Variants in NAV3 observed in about 807,000 individuals in gnomAD.
The protein encoded by NAV3 is pore membrane and/or filament interacting like protein 1.
In NAV3, 87 loss-of-function variants were observed where a neutral mutation model predicts 244.7. The ratio of observed to expected loss-of-function variants is 0.36; its 90% CI spans 0.30 to 0.42. The LOEUF is 0.42. Among genes scored for constraint, NAV3 ranks in the 20% least tolerant of loss-of-function variants. The pLI is 1.00. For synonymous variants in NAV3, 1,126 were observed against 1,042.2 expected, an observed-to-expected ratio of 1.08 and a Z score of -1.55; for missense variants, 2,663 against 2,893.3, an observed-to-expected ratio of 0.92 and a Z score of 1.83.
In NAV3 at chr12:78,197,325, A is replaced by G. The variant is rs774072066; in HGVS notation, c.6370A>G (p.Ile2124Val). Residue 2124 changes from isoleucine to valine, a missense_variant, in exon 35 of 40, where the codon ATT becomes GTT. Transcript: ENST00000397909. ...TGGAGTGGAGCTCCCAGTTGTAATA[A>G]TTCTTGATAATCTTCATCATGTGGG... ...NNGVELPVVI[I>V]LDNLHHVGSL... The G allele has an allele frequency of 3.1e-6, 5 of 1,609,384 alleles. No individual in the cohort carries two copies. Among genetic ancestry groups the G allele is most frequent in the Admixed American group, 3.4e-5 (2 of 59,684 alleles).
intron 3 of NAV3, among the ~76,000 whole-genome samples, chr12:77,956,725 C>CTTATTTATTTATTTATTTAT (rs111942943): frequency 3.0e-4 from 45 of 149,620 alleles, no homozygotes; most frequent in Middle Eastern, 3.4e-3. Flanking sequence ...TAAAATCCAA[C>CTTATTTATTTATTTATTTAT]TTATTTATTT....
At chr12:78,002,502 T>C in intron 7 of NAV3, among the ~76,000 whole-genome samples, 1 of 152,210 alleles carries the variant, frequency 6.6e-6, no homozygotes, top group Non-Finnish European at 1.5e-5. Context: ...TTCAACATTA[T>C]ACAGGTATCA....
At chr12:77,801,630 TA>T (rs1871713167) in intron 2 of NAV3, among the ~76,000 whole-genome samples, 1 of 152,170 alleles carries the variant, frequency 6.6e-6, no homozygotes, top group African/African-American at 2.4e-5. Context: ...CCTAAGGAAG[TA>T]GTATGTCCCA....
chr12:77,909,804 T>A (rs1886392638), intron 1 of NAV3, among the ~76,000 whole-genome samples: 1 of 152,128 alleles, frequency 6.6e-6, no homozygotes, highest in Non-Finnish European at 1.5e-5. Flanking sequence ...GAGTCTATAG[T>A]TAGAACATAA....
intron 2 of NAV3, among the ~76,000 whole-genome samples, chr12:77,804,067 G>A (rs901324606): frequency 4.6e-5 from 7 of 151,648 alleles, no homozygotes; most frequent in South Asian, 2.1e-4. Flanking sequence ...ATTTTCTCCC[G>A]TTCTGTAGGT....
At chr12:77,919,859 C>T (rs1313752123) in intron 1 of NAV3, among the ~76,000 whole-genome samples, 4 of 151,908 alleles carry the variant, frequency 2.6e-5, no homozygotes, top group Non-Finnish European at 5.9e-5. Flanking sequence ...AATTTAATCA[C>T]GCTTGGATTG....
At chr12:77,685,158 T>C (rs1186599114) in intron 2 of NAV3, among the ~76,000 whole-genome samples, 5 of 152,162 alleles carry the variant, frequency 3.3e-5, no homozygotes, top group African/African-American at 1.2e-4. Context: ...CTATTGTTCC[T>C]ATGTTCTCAT....
At chr12:78,192,662 G>A (rs1324355606) in intron 34 of NAV3, among the ~76,000 whole-genome samples, 9 of 151,916 alleles carry the variant, frequency 5.9e-5, no homozygotes, top group East Asian at 3.9e-4. Flanking sequence ...CACCTGCCTC[G>A]GCCTCCCAAA....
chr12:77,857,098 T>C (rs982630502), intron 1 of NAV3, among the ~76,000 whole-genome samples: 1 of 152,102 alleles, frequency 6.6e-6, no homozygotes, highest in Non-Finnish European at 1.5e-5. Flanking sequence ...TTCTGATAAA[T>C]TTGGAGGGGA....
chr12:77,902,400 T>A (rs1480926316), intron 1 of NAV3, among the ~76,000 whole-genome samples: 1 of 152,332 alleles, frequency 6.6e-6, no homozygotes, highest in East Asian at 1.9e-4. Context: ...ATCCCATCAA[T>A]ACCTAATTTA....
intron 24 of NAV3, among the ~76,000 whole-genome samples, chr12:78,170,703 A>T (rs1475012012): frequency 6.6e-6 from 1 of 151,810 alleles, no homozygotes; most frequent in Non-Finnish European, 1.5e-5. Context: ...TATTTCAGCT[A>T]TCCTGAATTG....
chr12:78,009,445 C>CAAAAAAAAAAAAAAAAAAAAAAA (rs35722033), intron 8 of NAV3, among the ~76,000 whole-genome samples: 1 of 69,896 alleles, frequency 1.4e-5, no homozygotes, highest in Non-Finnish European at 2.6e-5. Context: ...GAGGGAAACT[C>CAAAAAAAAAAAAAAAAAAAAAAA]AAAAAAAAAA....
At chr12:78,067,616 T>A (rs1368513371) in intron 12 of NAV3, among the ~76,000 whole-genome samples, 1 of 152,022 alleles carries the variant, frequency 6.6e-6, no homozygotes, top group Non-Finnish European at 1.5e-5. Context: ...TCTCTGCCAA[T>A]CACTGTGCTC....
At chr12:77,854,298 T>C (rs1192921648) in intron 1 of NAV3, among the ~76,000 whole-genome samples, 2 of 152,142 alleles carry the variant, frequency 1.3e-5, no homozygotes, top group African/African-American at 2.4e-5. Flanking sequence ...TTAGAGCAGC[T>C]CTATCATATT....
chr12:77,884,613 G>T lies in NAV3; in HGVS notation c.243+52909G>T, dbSNP rs879012317. 7.9e-5 allele frequency among the ~76,000 whole-genome samples: 12 copies of T among 152,144 alleles called. 1 individual carries two copies. The highest frequency in any genetic ancestry group is 5.9e-4 in the Admixed American group (9 of 15,270). On this transcript the variant is annotated intron_variant, in intron 1 of 39. Coordinates refer to ENST00000397909, the MANE Select transcript of NAV3 (RefSeq NM_001024383.2). ...CAAATTTACCCTTCCTTTGCCTTTT[G>T]TGTTCTCTCATCCAAACAGGATCTC...
At chr12:77,754,486 T>G (rs1030068356) in intron 2 of NAV3, among the ~76,000 whole-genome samples, 3 of 152,226 alleles carry the variant, frequency 2.0e-5, no homozygotes, top group Admixed American at 1.3e-4. Flanking sequence ...TAGTCTTCCC[T>G]TTTCATGTTA....
chr12:77,826,495 C>T (rs984791918), upstream of NAV3, among the ~76,000 whole-genome samples: 1 of 151,914 alleles, frequency 6.6e-6, no homozygotes, highest in Non-Finnish European at 1.5e-5. Context: ...CTGTCCCCCT[C>T]CCCCCAAAAA....
chr12:77,980,199 AC>A (rs1869316043), intron 5 of NAV3, among the ~76,000 whole-genome samples: 1 of 152,122 alleles, frequency 6.6e-6, no homozygotes, highest in Admixed American at 6.6e-5. Context: ...AGATAAGACA[AC>A]CGTAAGTTTC....
intron 2 of NAV3, among the ~76,000 whole-genome samples, chr12:77,795,778 C>T (rs1592690051): frequency 6.6e-6 from 1 of 152,136 alleles, no homozygotes; most frequent in East Asian, 1.9e-4. Flanking sequence ...TCCTAACTCC[C>T]TTAAGAATTA....
Sources: gnomAD v4.1 joint callset for allele counts (sites outside exome capture counted in the v4.1 genomes callset) on GRCh38, gnomAD v4.1.1 for gene constraint, MANE v1.5 for transcripts, NCBI Gene and HGNC (gene_info 2026-07-23, HGNC 2026-07-21) for gene names.